The following JCAD variants were observed in gnomAD, a reference collection of about 807,000 sequenced individuals.
JCAD encodes the protein junctional cadherin 5-associated protein.
A neutral mutation model predicts 98.0 loss-of-function variants in JCAD; 40 were observed. That is an observed-to-expected ratio of 0.41 (90% CI 0.32 to 0.53). JCAD has a LOEUF of 0.53. JCAD is among the 20% of genes least tolerant of loss of function. The probability of loss-of-function intolerance (pLI) is 0.31; values close to 1 mark genes in which losing one functional copy is unlikely to be tolerated. For synonymous variants in JCAD, 691 were observed against 682.3 expected, an observed-to-expected ratio of 1.01 and a Z score of -0.20; for missense variants, 1,705 against 1,738.1, an observed-to-expected ratio of 0.98 and a Z score of 0.34.
At chr10:30,025,759 C>A (rs1008173068) in intron 3 of JCAD, among the ~76,000 whole-genome samples, 3 of 151,624 alleles carry the variant, frequency 2.0e-5, no homozygotes, top group African/African-American at 7.3e-5. Context: ...AATGGTGGTG[C>A]ATGCCTGTGG....
Position 30,018,283 on chromosome 10 carries a change from TC to T in JCAD, c.4046-367del, listed in dbSNP as rs1327398382. 2.2e-3 allele frequency among the ~76,000 whole-genome samples: 286 copies of T among 128,460 alleles called. 2 individuals are homozygous for T. Among genetic ancestry groups the T allele is most frequent in the African/African-American group, 9.3e-3 (277 of 29,876 alleles). The allele number at this position is 128,460 out of a possible 152,430, so 84.3% of individuals were successfully genotyped here. A position where few individuals can be genotyped will look rare whatever the true frequency, so the allele number is the denominator to read the frequency against. ...ATGTCTTATCTTTCTTTCTTCTTCT[TC>T]TTCTTCTTCTTCTTTTTTTTTTTTT... On this transcript the variant is annotated intron_variant, in intron 3 of 3. Coordinates refer to ENST00000375377, the MANE Select transcript of JCAD (RefSeq NM_020848.4).
chr10:30,107,221 T>C (rs1838601267), intron 1 of JCAD, among the ~76,000 whole-genome samples: 1 of 152,144 alleles, frequency 6.6e-6, no homozygotes, highest in Admixed American at 6.6e-5. Flanking sequence ...TTAGGCACTG[T>C]AAGTCACAGG....
chr10:30,033,133 GC>G (rs1268545602), intron 2 of JCAD, among the ~76,000 whole-genome samples: 5 of 152,322 alleles, frequency 3.3e-5, no homozygotes, highest in African/African-American at 1.2e-4. Context: ...AAGTTACACA[GC>G]CTGCAAGGAT....
chr10:30,080,720 A>G (rs1838066650), intron 1 of JCAD, among the ~76,000 whole-genome samples: 1 of 151,502 alleles, frequency 6.6e-6, no homozygotes, highest in Non-Finnish European at 1.5e-5. Flanking sequence ...CCCCTGGCCC[A>G]TCAGCCTTTC....
chr10:30,110,158 G>A (rs963179417), intron 1 of JCAD, among the ~76,000 whole-genome samples: 3 of 128,918 alleles, frequency 2.3e-5, no homozygotes, highest in African/African-American at 1.0e-4. Context: ...GCTGATGTGT[G>A]CAGCTGATGT....
intron 1 of JCAD, among the ~76,000 whole-genome samples, chr10:30,088,456 G>C (rs7070077): frequency 0.43 from 65,600 of 151,916 alleles, 16,020 homozygotes; most frequent in African/African-American, 0.66. Context: ...AGCAAGCAGA[G>C]AGATCGGTCA....
intron 1 of JCAD, among the ~76,000 whole-genome samples, chr10:30,078,105 T>G (rs1252419460): frequency 6.6e-6 from 1 of 152,242 alleles, no homozygotes; most frequent in Non-Finnish European, 1.5e-5. Flanking sequence ...ACAGCCATCC[T>G]AATGGGTATG....
chr10:30,024,688 ATTTTTTTT>A (rs35394945), intron 3 of JCAD, among the ~76,000 whole-genome samples: 4 of 100,664 alleles, frequency 4.0e-5, no homozygotes, highest in South Asian at 3.0e-4. Context: ...GCCCATGTAC[ATTTTTTTT>A]TTTTTTTTTT....
rs1481357804 is a variant in JCAD at position 30,013,450 on chromosome 10, G to C, written c.*4433C>G. 6.6e-6 allele frequency: 1 copy of C among 152,136 alleles called. No homozygotes were observed. The highest frequency in any genetic ancestry group is 2.4e-5 in the African/African-American group (1 of 41,428). 9.4% of individuals were successfully genotyped at this position (152,136 alleles called of 1,614,324 possible). On this transcript the variant is annotated 3_prime_UTR_variant, in exon 4 of 4. Transcript: ENST00000375377. Reference sequence around the variant, plus strand: ...GAATTTCAGCTGACCTAGGTGGAGAGTACTTCATTGATTTTTATAATCTGG... The same window carrying C: ...GAATTTCAGCTGACCTAGGTGGAGACTACTTCATTGATTTTTATAATCTGG...
intron 2 of JCAD, among the ~76,000 whole-genome samples, chr10:30,033,655 G>A (rs902250868): frequency 3.9e-5 from 6 of 152,100 alleles, no homozygotes; most frequent in Admixed American, 6.6e-5. Flanking sequence ...TTGTGGTTTC[G>A]AATGATTCCA....
intron 1 of JCAD, among the ~76,000 whole-genome samples, chr10:30,080,918 C>T (rs1838071450): frequency 6.6e-6 from 1 of 152,214 alleles, no homozygotes; most frequent in South Asian, 2.1e-4. Context: ...CCAGATGGCC[C>T]CCGAAGCCTC....
At chr10:30,038,084 T>C (rs1837153874) in intron 2 of JCAD, among the ~76,000 whole-genome samples, 1 of 152,212 alleles carries the variant, frequency 6.6e-6, no homozygotes, top group Non-Finnish European at 1.5e-5. Context: ...TGAATCATCT[T>C]TGGGTTAGGG....
At chr10:30,076,789 A>G (rs1837988940) in intron 1 of JCAD, among the ~76,000 whole-genome samples, 1 of 152,214 alleles carries the variant, frequency 6.6e-6, no homozygotes, top group South Asian at 2.1e-4. Flanking sequence ...ACATCATAGG[A>G]ATGAAAGTCA....
chr10:30,083,919 G>T (rs1838125754), intron 1 of JCAD, among the ~76,000 whole-genome samples: 1 of 152,036 alleles, frequency 6.6e-6, no homozygotes, highest in Non-Finnish European at 1.5e-5. Flanking sequence ...CAGCTGAGGA[G>T]GTTGAGGTGG....
intron 1 of JCAD, among the ~76,000 whole-genome samples, chr10:30,052,720 A>G (rs1249779679): frequency 6.6e-6 from 1 of 152,140 alleles, no homozygotes; most frequent in Non-Finnish European, 1.5e-5. Context: ...ACTGGGCTGA[A>G]GAATATAAAG....
chr10:30,051,267 C>T (rs59465341), intron 1 of JCAD, among the ~76,000 whole-genome samples: 9,690 of 137,550 alleles, frequency 0.07, 428 homozygotes, highest in East Asian at 0.22. Flanking sequence ...CACGCACACA[C>T]GCACGCACAC....
At chr10:30,103,450 A>G (rs1394529564) in intron 1 of JCAD, among the ~76,000 whole-genome samples, 1 of 152,248 alleles carries the variant, frequency 6.6e-6, no homozygotes, top group African/African-American at 2.4e-5. Context: ...GATAAAGGCA[A>G]ATAATTCAGA....
intron 1 of JCAD, among the ~76,000 whole-genome samples, chr10:30,107,921 T>G (rs767844180): frequency 2.0e-4 from 31 of 152,156 alleles, no homozygotes; most frequent in Non-Finnish European, 3.8e-4. Context: ...CCATAGTGTC[T>G]AATAAAATAT....
chr10:30,058,447 C>G (rs1383290826), intron 1 of JCAD, among the ~76,000 whole-genome samples: 1 of 152,154 alleles, frequency 6.6e-6, no homozygotes, highest in Non-Finnish European at 1.5e-5. Context: ...ACTCCTTAAG[C>G]GCGTGGATGA....
Sources: allele counts gnomAD v4.1 joint callset (sites outside exome capture counted in the v4.1 genomes callset), GRCh38; gene constraint gnomAD v4.1.1; transcripts MANE v1.5; gene names NCBI Gene and HGNC (gene_info 2026-07-23, HGNC 2026-07-21).